Variants in WDR75 observed in about 807,000 individuals in gnomAD.
WDR75 encodes WD repeat domain 75.
WDR75 carries 52 observed loss-of-function variants against 106.1 expected under a neutral mutation model. That is an observed-to-expected ratio of 0.49 (90% CI 0.39 to 0.62). The LOEUF (loss-of-function observed/expected upper bound fraction) is 0.62, where lower values mean the gene tolerates loss of function less well. Among genes scored for constraint, WDR75 ranks in the 20% least tolerant of loss-of-function variants. The pLI is 0.00. For synonymous variants in WDR75, 333 were observed against 335.5 expected, an observed-to-expected ratio of 0.99 and a Z score of 0.08; for missense variants, 905 against 970.3, an observed-to-expected ratio of 0.93 and a Z score of 0.89.
In WDR75 at chr2:189,470,529, TTTTC is replaced by T. The variant is rs1687094890; in HGVS notation, c.1990-286_1990-283del. Among the ~76,000 whole-genome samples, 3 of 152,262 alleles carry T rather than the reference TTTTC, an allele frequency of 2.0e-5. No homozygotes were observed. In the South Asian group the frequency reaches 6.2e-4, roughly 32 times the overall value. The stretch of plus-strand genomic sequence containing the variant: ...TTTAAATTGCATGATTCTTTTTTCT[TTTTC>T]TTTTTTTTTTCAGTGTTTGATTTGC... On this transcript the variant is annotated intron_variant, in intron 17 of 20. Transcript: ENST00000314761.
At position 189,448,451 on chromosome 2, in the gene WDR75, G is replaced by T. The variant is rs142085390; in HGVS notation, c.159G>T (p.Leu53=). The change falls in exon 2 of 21, where the codon CTG becomes CTT. Residue 53 remains leucine, a synonymous_variant. Coordinates refer to ENST00000314761, the MANE Select transcript of WDR75 (RefSeq NM_032168.3). ...TTACAGAAGAGTGTGTACACATACT[G>T]CATGGACACAGAAATCTGGTGACTG... ...STVTEECVHI[L]HGHRNLVTGI... is the part of the protein sequence containing the mutation. 17 of 1,613,760 alleles carry T rather than the reference G, an allele frequency of 1.1e-5. No homozygotes were observed. The highest frequency in any genetic ancestry group is 1.7e-5 in the Admixed American group (1 of 59,996).
chr2:189,450,024 A>G, intron 2 of WDR75: 1 of 985,314 alleles, frequency 1.0e-6, no homozygotes, highest in Non-Finnish European at 1.2e-6. Context: ...ATGTGTTAGT[A>G]AGGTCTTCTG....
intron 2 of WDR75, chr2:189,449,927 C>CAAA (rs1313480230): frequency 4.9e-5 from 48 of 983,456 alleles, no homozygotes; most frequent in Non-Finnish European, 5.6e-5. Context: ...ACATTATAAG[C>CAAA]AAAGTATTTT....
At position 189,466,441 on chromosome 2, in the gene WDR75, A is replaced by G. The variant is rs1687000701; in HGVS notation, c.1306A>G (p.Lys436Glu). ...KKTQGFILNT[K>E]INMPHEDCIT... ...TCCCGCTAGGTTTATTCTTAACACT[A>G]AAATTAACATGCCACACGAAGACTG... is the stretch of plus-strand genomic sequence containing the variant. The change falls in exon 13 of 21, where the codon AAA becomes GAA. Residue 436 changes from lysine to glutamate, a missense_variant. Transcript: ENST00000314761. 3 of 1,612,630 alleles carry G rather than the reference A, an allele frequency of 1.9e-6. No homozygotes were observed. The highest frequency in any genetic ancestry group is 2.5e-6 in the Non-Finnish European group (3 of 1,179,112).
chr2:189,458,007 T>C (rs556999997), intron 6 of WDR75, among the ~76,000 whole-genome samples: 7 of 134,870 alleles, frequency 5.2e-5, no homozygotes, highest in Non-Finnish European at 7.7e-5. Flanking sequence ...CACTGTAACC[T>C]CCGCCTCCCG....
At chr2:189,461,906 A>C (rs1421944897) in intron 8 of WDR75, among the ~76,000 whole-genome samples, 1 of 152,130 alleles carries the variant, frequency 6.6e-6, no homozygotes, top group Non-Finnish European at 1.5e-5. Context: ...TCCATTCCTG[A>C]GTTTCTGAGA....
In WDR75 at chr2:189,441,606, T is replaced by C. The variant is rs1024346273; in HGVS notation, c.86+28T>C. On this transcript the variant is annotated intron_variant, in intron 1 of 20. Transcript: ENST00000314761. ...ATGAGGGGCACCGCGCTTTGTCGGC[T>C]GAGGGGCGGGGCGTGAGTTTCTCGA... The C allele has an allele frequency of 2.6e-6, 4 of 1,549,430 alleles. No individual in the cohort carries two copies. The African/African-American group carries it at 5.5e-5, about 21-fold the overall frequency.
At chr2:189,455,654 G>A (rs924244148) in intron 5 of WDR75, 6 of 480,206 alleles carry the variant, frequency 1.2e-5, no homozygotes, top group Admixed American at 1.1e-4. Flanking sequence ...CTGTCCTATT[G>A]CCTTTGTAAA....
intron 8 of WDR75, among the ~76,000 whole-genome samples, chr2:189,462,101 G>A (rs530916057): frequency 6.6e-6 from 1 of 152,110 alleles, no homozygotes; most frequent in South Asian, 2.1e-4. Flanking sequence ...CATTGGTATA[G>A]TATTTTGCTT....
At chr2:189,464,959 T>C (rs959017794) in intron 11 of WDR75, 120 bp from the exon 12 acceptor site, 1 of 680,024 alleles carries the variant, frequency 1.5e-6, no homozygotes, top group Non-Finnish European at 2.2e-6. Context: ...TTTAAAAATC[T>C]ATTACTATAC....
At chr2:189,471,669 T>A (rs2105574688) in intron 18 of WDR75, among the ~76,000 whole-genome samples, 1 of 152,338 alleles carries the variant, frequency 6.6e-6, no homozygotes, top group African/African-American at 2.4e-5. Flanking sequence ...TCTGACTGTC[T>A]TCAGTCTGGA....
At chr2:189,456,058 G>A (rs776438073) in intron 5 of WDR75, among the ~76,000 whole-genome samples, 5 of 151,980 alleles carry the variant, frequency 3.3e-5, no homozygotes, top group Admixed American at 6.6e-5. Context: ...TCACTGTAGC[G>A]GCATGCTTCT....
intron 4 of WDR75, among the ~76,000 whole-genome samples, chr2:189,454,402 G>T (rs1009128987): frequency 6.6e-6 from 1 of 152,112 alleles, no homozygotes; most frequent in South Asian, 2.1e-4. Flanking sequence ...AAAACTCTCA[G>T]ATGATTTGTT....
Position 189,462,481 on chromosome 2 carries a change from A to C in WDR75, c.779-3A>C. On this transcript the variant is annotated splice_polypyrimidine_tract_variant and splice_region_variant and intron_variant, in intron 8 of 20. Coordinates refer to ENST00000314761, the MANE Select transcript of WDR75 (RefSeq NM_032168.3). ...CTTTTAATTTCCTTGAATGGATATGAAGGCACCAGTCTGCTGAGTGGCGGT... is the reference window on the plus strand; with the variant it reads ...CTTTTAATTTCCTTGAATGGATATGCAGGCACCAGTCTGCTGAGTGGCGGT... 6.2e-7 allele frequency: 1 copy of C among 1,613,410 alleles called. No homozygotes were observed. The highest frequency in any genetic ancestry group is 1.3e-5 in the African/African-American group (1 of 74,996).
chr2:189,459,396 G>A lies in WDR75; in HGVS notation c.750G>A (p.Met250Ile), dbSNP rs1489131527. ...TYTCLHWHHD[M>I]VMDLAFSVTG... ...CATGTTTACATTGGCACCATGATAT[G>A]GTTATGGATTTGGCTTTTTCAGTGA... Residue 250 changes from methionine to isoleucine, a missense_variant, in exon 8 of 21, where the codon ATG becomes ATA. Met to Ile is a conservative substitution (Grantham distance 10, BLOSUM62 1). Transcript: ENST00000314761. 2 of 1,612,302 alleles carry A rather than the reference G, an allele frequency of 1.2e-6. No individual in the cohort carries two copies. The highest frequency in any genetic ancestry group is 1.7e-6 in the Non-Finnish European group (2 of 1,179,612).
intron 4 of WDR75, among the ~76,000 whole-genome samples, chr2:189,453,836 C>T (rs1686677327): frequency 1.3e-5 from 2 of 152,122 alleles, no homozygotes; most frequent in East Asian, 3.8e-4. Context: ...TTCCACAGCC[C>T]AAAACCAGAC....
intron 3 of WDR75, 105 bp downstream of exon 3, chr2:189,451,073 C>G: frequency 7.5e-7 from 1 of 1,324,720 alleles, no homozygotes; most frequent in South Asian, 2.2e-5. Flanking sequence ...AATAGACTTC[C>G]TAAACAAGTT....
At chr2:189,458,691 C>G in intron 6 of WDR75, 62 bp from the exon 7 acceptor site, 1 of 1,370,868 alleles carries the variant, frequency 7.3e-7, no homozygotes. Context: ...TTTTACTTAA[C>G]TACATCACCA....
At chr2:189,449,592 G>A in intron 2 of WDR75, 1 of 1,040,350 alleles carries the variant, frequency 9.6e-7, no homozygotes, top group South Asian at 3.3e-5. Context: ...CTGAAAGTGA[G>A]TAAAATTAGA....
Sources: gnomAD v4.1 joint callset for allele counts (sites outside exome capture counted in the v4.1 genomes callset) on GRCh38, gnomAD v4.1.1 for gene constraint, MANE v1.5 for transcripts, NCBI Gene and HGNC (gene_info 2026-07-23, HGNC 2026-07-21) for gene names.